The following LIPA variants were observed in gnomAD, a reference collection of about 807,000 sequenced individuals.
LIPA encodes the protein lipase A, lysosomal acid type.
Under a neutral mutation model 40.6 loss-of-function variants are expected in LIPA, and 26 were observed. The ratio of observed to expected loss-of-function variants is 0.64; its 90% CI spans 0.47 to 0.89. The LOEUF (loss-of-function observed/expected upper bound fraction) is 0.89. LIPA is among the 40% of genes least tolerant of loss of function. The probability of loss-of-function intolerance (pLI) is 0.00; values close to 1 mark genes in which losing one functional copy is unlikely to be tolerated. For synonymous variants in LIPA, 188 were observed against 168.4 expected (o/e 1.12, Z -0.90); for missense variants, 455 against 479.6 (o/e 0.95, Z 0.48).
chr10:89,400,548 A>G (rs1419933619), intron 2 of LIPA, among the ~76,000 whole-genome samples: 3 of 151,960 alleles, frequency 2.0e-5, no homozygotes, highest in Non-Finnish European at 4.4e-5. Flanking sequence ...TGTAAATGGG[A>G]TTGTTTTCTT....
chr10:89,289,408 A>G (rs1045193363), intron 1 of LIPA, among the ~76,000 whole-genome samples: 2 of 151,986 alleles, frequency 1.3e-5, no homozygotes, highest in African/African-American at 4.8e-5. Context: ...TTCCTTACAC[A>G]CTAAGCTCGG....
At chr10:89,359,835 A>ACACG (rs1844011076) in intron 2 of LIPA, among the ~76,000 whole-genome samples, 1 of 149,180 alleles carries the variant, frequency 6.7e-6, no homozygotes, top group African/African-American at 2.4e-5. Flanking sequence ...ACACACACAC[A>ACACG]CACACACAAA....
chr10:89,357,473 CTA>C (rs1390634203), intron 2 of LIPA, among the ~76,000 whole-genome samples: 4 of 152,220 alleles, frequency 2.6e-5, no homozygotes, highest in Non-Finnish European at 5.9e-5. Context: ...CAGACTCCTC[CTA>C]AGAAAGGCAA....
chr10:89,383,332 G>A, intron 2 of LIPA: 3 of 1,611,958 alleles, frequency 1.9e-6, no homozygotes, highest in Non-Finnish European at 2.5e-6. Flanking sequence ...AGAATCTGAT[G>A]GAAAGCTTAT....
chr10:89,272,613 G>A (rs772969396), intron 1 of LIPA, among the ~76,000 whole-genome samples: 52 of 152,296 alleles, frequency 3.4e-4, no homozygotes, highest in Middle Eastern at 6.8e-3. Flanking sequence ...TACATACCCG[G>A]TAATGGGATT....
chr10:89,354,606 C>T (rs575851330), intron 2 of LIPA, among the ~76,000 whole-genome samples: 3 of 152,256 alleles, frequency 2.0e-5, no homozygotes, highest in South Asian at 2.1e-4. Context: ...CTGACTGTGT[C>T]GCCCAAGTTG....
At chr10:89,343,916 C>T (rs778370034), upstream of LIPA, among the ~76,000 whole-genome samples, 1 of 152,178 alleles carries the variant, frequency 6.6e-6, no homozygotes, top group Non-Finnish European at 1.5e-5. Context: ...TTAATTCAGG[C>T]AGGAGTTAGT....
chr10:89,375,974 G>A (rs974844362), intron 2 of LIPA, among the ~76,000 whole-genome samples: 1 of 151,994 alleles, frequency 6.6e-6, no homozygotes, highest in Non-Finnish European at 1.5e-5. Flanking sequence ...ATCACCTGAG[G>A]TCAGGAGTTC....
intron 1 of LIPA, chr10:89,339,503 G>A: frequency 6.2e-7 from 1 of 1,614,174 alleles, no homozygotes; most frequent in South Asian, 1.1e-5. Context: ...CAGATTGGGT[G>A]CTGCTACAAG....
intron 2 of LIPA, among the ~76,000 whole-genome samples, chr10:89,373,347 A>C (rs957727642): frequency 6.6e-6 from 1 of 151,502 alleles, no homozygotes; most frequent in Non-Finnish European, 1.5e-5. Flanking sequence ...AAAAAAAAAA[A>C]AAAAAAAAAA....
intron 2 of LIPA, among the ~76,000 whole-genome samples, chr10:89,408,689 G>A (rs1305487998): frequency 1.3e-5 from 2 of 152,220 alleles, no homozygotes; most frequent in Non-Finnish European, 2.9e-5. Context: ...GTACACAGAT[G>A]TCCTACAGGG....
chr10:89,250,393 G>A (rs1843102645), intron 1 of LIPA, among the ~76,000 whole-genome samples: 2 of 152,084 alleles, frequency 1.3e-5, no homozygotes, highest in African/African-American at 2.4e-5. Flanking sequence ...GTGAGCCACC[G>A]CGCCCGACCG....
intron 2 of LIPA, chr10:89,384,735 T>C: frequency 6.2e-7 from 1 of 1,602,058 alleles, no homozygotes; most frequent in Non-Finnish European, 8.5e-7. Context: ...ACCCTATATT[T>C]TAACATAGAG....
At position 89,383,691 on chromosome 10, in the gene LIPA, G is replaced by A. The variant is rs12262020; in HGVS notation, c.61+29100C>T. The A allele has an allele frequency of 4.1e-4, 663 of 1,614,240 alleles. 2 individuals are homozygous for A. In the Middle Eastern group the frequency reaches 5.9e-3, roughly 14 times the overall value. ...TGGACAAGGTGGAGAACACTTGCAA[G>A]AAGTTTGCAAATCCTTCCCGCTATA... On this transcript the variant is annotated intron_variant, in intron 2 of 8. Transcript: ENST00000371837.
At chr10:89,282,429 A>G (rs1810852) in intron 1 of LIPA, among the ~76,000 whole-genome samples, 114,441 of 151,880 alleles carry the variant, frequency 0.75, 44,539 homozygotes, top group East Asian at 1. Context: ...CCTGAGATTG[A>G]GAGTTTGAGA....
At chr10:89,302,414 T>C (rs987608051) in intron 1 of LIPA, among the ~76,000 whole-genome samples, 1 of 152,186 alleles carries the variant, frequency 6.6e-6, no homozygotes, top group Non-Finnish European at 1.5e-5. Context: ...AGAGGGATGA[T>C]GTTTCATCGG....
intron 8 of LIPA, among the ~76,000 whole-genome samples, chr10:89,218,862 T>C (rs1445579932): frequency 6.6e-6 from 1 of 152,162 alleles, no homozygotes; most frequent in African/African-American, 2.4e-5. Flanking sequence ...TATTTTGGGG[T>C]CTCTAATACA....
chr10:89,216,061 A>G lies in LIPA; in HGVS notation c.895-52T>C, dbSNP rs369817171. 21 of 1,211,246 alleles carry G rather than the reference A, an allele frequency of 1.7e-5. No individual in the cohort carries two copies. In the African/African-American group the frequency reaches 3.0e-4, roughly 17 times the overall value. 75.0% of individuals were successfully genotyped at this position (1,211,246 alleles called of 1,614,324 possible). A position where few individuals can be genotyped will look rare whatever the true frequency, so the allele number is the denominator to read the frequency against. ...GTTATCTGACACCAAAGTTAGAGATAACATCATAGGTTGCTGGAGCTAGCC... is the reference window on the plus strand; with the variant it reads ...GTTATCTGACACCAAAGTTAGAGATGACATCATAGGTTGCTGGAGCTAGCC... On this transcript the variant is annotated intron_variant, in intron 8 of 9. Coordinates refer to ENST00000336233, the MANE Select transcript of LIPA (RefSeq NM_000235.4).
At chr10:89,265,956 T>C (rs1843233525) in intron 1 of LIPA, among the ~76,000 whole-genome samples, 1 of 152,234 alleles carries the variant, frequency 6.6e-6, no homozygotes, top group Non-Finnish European at 1.5e-5. Flanking sequence ...TGACCTCATG[T>C]GACAAGTTGC....
Sources: allele counts gnomAD v4.1 joint callset (sites outside exome capture counted in the v4.1 genomes callset), GRCh38; gene constraint gnomAD v4.1.1; transcripts MANE v1.5; gene names NCBI Gene and HGNC (gene_info 2026-07-23, HGNC 2026-07-21).